TMEM176A: variants seen among roughly 807,000 people sequenced by gnomAD.
The protein encoded by TMEM176A is transmembrane protein 176A.
TMEM176A carries 20 observed loss-of-function variants against 27.9 expected under a neutral mutation model. The observed-to-expected ratio is 0.72, with a 90% CI of 0.50 to 1.04. The LOEUF is 1.04. TMEM176A is among the 50% of genes least tolerant of loss of function. The pLI is 0.00. For missense variants in TMEM176A, 252 were observed against 289.1 expected, an observed-to-expected ratio of 0.87 and a Z score of 0.93; for synonymous variants, 125 against 118.0, an observed-to-expected ratio of 1.06 and a Z score of -0.38.
In TMEM176A at chr7:150,801,711, T is replaced by C. The variant is rs1249693868; in HGVS notation, c.161T>C (p.Leu54Pro). 1 of 1,544,868 alleles carries C rather than the reference T, an allele frequency of 6.5e-7. No individual in the cohort carries two copies. Among genetic ancestry groups the C allele is most frequent in the Non-Finnish European group, 8.7e-7 (1 of 1,155,304 alleles). ...CAGGCCAGGGGCAGCAGCCGGCTGC[T>C]GGTGGCCTCGTGGGTGAGTGTGACG... ...ATQARGSSRL[L>P]VASWVMQIVL... Residue 54 changes from leucine (L) to proline (P), a missense_variant, in exon 2 of 7, where the codon CTG becomes CCG. Leu to Pro is a moderately conservative substitution (Grantham distance 98). Coordinates refer to ENST00000004103, the MANE Select transcript of TMEM176A (RefSeq NM_018487.3).
chr7:150,801,436 G>A (rs1195446451), intron 1 of TMEM176A, 100 bp from the exon 2 acceptor site: 1 of 1,242,556 alleles, frequency 8.0e-7, no homozygotes, highest in Admixed American at 2.4e-5. Flanking sequence ...CATTCATTGG[G>A]TGACTTTGAG....
At chr7:150,802,401 A>G in intron 3 of TMEM176A, 76 bp downstream of exon 3, 1 of 1,280,894 alleles carries the variant, frequency 7.8e-7, no homozygotes, top group South Asian at 1.2e-5. Context: ...TTCCTCCAAC[A>G]TGGCGCCACA....
intron 6 of TMEM176A, 106 bp downstream of exon 6, chr7:150,804,578 C>A: frequency 9.8e-7 from 1 of 1,023,338 alleles, no homozygotes; most frequent in Non-Finnish European, 1.5e-6. Flanking sequence ...GCCCATGACC[C>A]AAGTCCCACC....
intron 1 of TMEM176A, 72 bp from the exon 2 acceptor site, chr7:150,801,464 C>A: frequency 6.7e-7 from 1 of 1,489,816 alleles, no homozygotes; most frequent in Non-Finnish European, 9.0e-7. Context: ...TGGCCCCTGA[C>A]CTCCCCAACT....
intron 1 of TMEM176A, chr7:150,801,185 TG>T (rs1336458566): frequency 4.8e-6 from 1 of 208,194 alleles, no homozygotes; most frequent in African/African-American, 2.4e-5. Context: ...CTGCGGACTG[TG>T]GAGGGGAGGC....
In TMEM176A at chr7:150,801,362, C is replaced by A. The variant is rs79002088; in HGVS notation, c.-15-174C>A. ...CGCCGCAGTTCCAGCATGGTCAGCA[C>A]CCCCTCTGCTACACACATTCCCCTC... On this transcript the variant is annotated intron_variant, in intron 1 of 6. Coordinates refer to ENST00000004103, the MANE Select transcript of TMEM176A (RefSeq NM_018487.3). 8.9e-6 allele frequency: 4 copies of A among 447,334 alleles called. No homozygotes were observed. The Admixed American group carries it at 2.0e-4, about 23-fold the overall frequency. The allele number at this position is 447,334 out of a possible 1,614,324, so 27.7% of individuals were successfully genotyped here.
intron 3 of TMEM176A, chr7:150,802,674 A>AG (rs1798839515): frequency 9.3e-7 from 1 of 1,069,684 alleles, no homozygotes; most frequent in Non-Finnish European, 1.1e-6. Flanking sequence ...GTGGTCCCCC[A>AG]GGAAGCATCA....
chr7:150,803,047 T>G, intron 3 of TMEM176A: 2 of 1,024,920 alleles, frequency 2.0e-6, no homozygotes, highest in South Asian at 8.4e-5. Flanking sequence ...GACTCACCCT[T>G]CATTGAGATC....
rs375871632 is a variant in TMEM176A at position 150,801,545 on chromosome 7, C to T, written c.-6C>T. ...GCTCCCTTCCTCATAGACTGTGTCC[C>T]TGACAATGGGAACAGCCGACAGTGA... On this transcript the variant is annotated 5_prime_UTR_variant, in exon 2 of 7. Transcript: ENST00000004103. 18 of 1,589,534 alleles carry T rather than the reference C, an allele frequency of 1.1e-5. No homozygotes were observed. In the Admixed American group the frequency reaches 2.2e-4, roughly 20 times the overall value.
chr7:150,804,039 A>G (rs1281130681), intron 5 of TMEM176A, among the ~76,000 whole-genome samples: 3 of 152,374 alleles, frequency 2.0e-5, no homozygotes, highest in African/African-American at 7.2e-5. Context: ...GCATTAAAAT[A>G]ATAATAAATG....
At chr7:150,801,099 TCCGGAGCGCAG>T (rs1201975204) in intron 1 of TMEM176A, 1 of 590,798 alleles carries the variant, frequency 1.7e-6, no homozygotes, top group African/African-American at 2.0e-5. Context: ...GATGGGGGTA[TCCGGAGCGCAG>T]CCGGGGCGCA....
chr7:150,803,576 G>C (rs1233296338), intron 4 of TMEM176A, 44 bp from the exon 5 acceptor site: 9 of 1,608,470 alleles, frequency 5.6e-6, no homozygotes, highest in Admixed American at 3.3e-5. Flanking sequence ...GACTCTGAGA[G>C]AGACTGAAAC....
chr7:150,804,510 G>A (rs372706586), intron 6 of TMEM176A, 38 bp downstream of exon 6: 15 of 1,550,620 alleles, frequency 9.7e-6, no homozygotes, highest in Non-Finnish European at 1.2e-5. Flanking sequence ...ATTTGGGGCA[G>A]TGGAACTGCT....
At chr7:150,800,915 A>C in intron 1 of TMEM176A, 87 bp downstream of exon 1, 1 of 985,536 alleles carries the variant, frequency 1.0e-6, no homozygotes, top group Non-Finnish European at 1.2e-6. Flanking sequence ...GGAGCGTAGG[A>C]GGGACCCCCA....
Position 150,803,287 on chromosome 7 carries a change from T to G in TMEM176A, c.286-113T>G, listed in dbSNP as rs1798854219. ...TTACCATGGATAATAAAGCTTAGCA[T>G]GAAACCTCCCGCCCAAGCTGTGTGC... On this transcript the variant is annotated intron_variant, in intron 3 of 6. Coordinates refer to ENST00000004103, the MANE Select transcript of TMEM176A (RefSeq NM_018487.3). 2.1e-6 allele frequency: 3 copies of G among 1,438,480 alleles called. No individual in the cohort carries two copies. The East Asian group carries it at 7.4e-5, about 36-fold the overall frequency. 89.1% of individuals were successfully genotyped at this position (1,438,480 alleles called of 1,614,324 possible). A position where few individuals can be genotyped will look rare whatever the true frequency, so the allele number is the denominator to read the frequency against.
chr7:150,802,179 C>G (rs12668797), intron 2 of TMEM176A, 36 bp from the exon 3 acceptor site: 51 of 1,592,506 alleles, frequency 3.2e-5, no homozygotes, highest in African/African-American at 4.0e-5. Flanking sequence ...GGCAGGTCCA[C>G]CTAGGAGCCG....
At position 150,803,469 on chromosome 7, in the gene TMEM176A, AAGGGCATGGG is replaced by A. The variant is rs753381418; in HGVS notation, c.342+18_342+27del. 6 of 1,589,908 alleles carry A rather than the reference AAGGGCATGGG, an allele frequency of 3.8e-6. No homozygotes were observed. In the African/African-American group the frequency reaches 8.1e-5, roughly 21 times the overall value. ...TGGTACATACTGGGTAAGTTCAGGGAAGGGCATGGGAGGGGACCAGGTTCAGGCTGGAGGT... is the reference window on the plus strand; with the variant it reads ...TGGTACATACTGGGTAAGTTCAGGGAAGGGGACCAGGTTCAGGCTGGAGGT... On this transcript the variant is annotated intron_variant, in intron 4 of 6. Coordinates refer to ENST00000004103, the MANE Select transcript of TMEM176A (RefSeq NM_018487.3).
At chr7:150,801,450 C>T (rs964577776) in intron 1 of TMEM176A, 86 bp from the exon 2 acceptor site, 2 of 1,409,680 alleles carry the variant, frequency 1.4e-6, no homozygotes, top group East Asian at 4.7e-5. Context: ...CTTTGAGCCA[C>T]CACTGGCCCC....
intron 1 of TMEM176A, chr7:150,801,232 G>A (rs964955488): frequency 1.6e-5 from 4 of 245,258 alleles, no homozygotes; most frequent in African/African-American, 2.2e-5. Context: ...GTGAGGGGTC[G>A]AGGTGTGGGG....
Sources: allele counts gnomAD v4.1 joint callset (sites outside exome capture counted in the v4.1 genomes callset), GRCh38; gene constraint gnomAD v4.1.1; transcripts MANE v1.5; gene names NCBI Gene and HGNC (gene_info 2026-07-23, HGNC 2026-07-21).